PTPRN2: variants seen among roughly 807,000 people sequenced by gnomAD.
PTPRN2 encodes receptor-type tyrosine-protein phosphatase N2.
A neutral mutation model predicts 118.8 loss-of-function variants in PTPRN2; 74 were observed. The observed-to-expected ratio is 0.62, with a 90% CI of 0.52 to 0.76. The LOEUF (loss-of-function observed/expected upper bound fraction) is 0.76, where lower values mean the gene tolerates loss of function less well. Ranked by LOEUF, PTPRN2 falls within the 30% of genes least tolerant of loss-of-function variation. The pLI, the probability that PTPRN2 is intolerant of heterozygous loss-of-function variation, is 0.00. For missense variants in PTPRN2, 1,481 were observed against 1,394.4 expected (o/e 1.06, Z -0.99); for synonymous variants, 641 against 608.0 (o/e 1.05, Z -0.80).
At chr7:158,480,135 G>A (rs1820554393) in intron 2 of PTPRN2, among the ~76,000 whole-genome samples, 1 of 152,206 alleles carries the variant, frequency 6.6e-6, no homozygotes, top group African/African-American at 2.4e-5. Flanking sequence ...ACGTCGCGGG[G>A]GTTGCGTCTC....
At chr7:158,074,572 C>T (rs1312866004) in intron 11 of PTPRN2, among the ~76,000 whole-genome samples, 2 of 152,172 alleles carry the variant, frequency 1.3e-5, no homozygotes, top group Admixed American at 1.3e-4. Flanking sequence ...GGTGAGCTCC[C>T]GTGGCCACCT....
rs916577393 is a variant in PTPRN2 at position 158,509,442 on chromosome 7, C to T, written c.113-19657G>A. 6.6e-6 allele frequency among the ~76,000 whole-genome samples: 1 copy of T among 152,242 alleles called. No individual in the cohort carries two copies. The highest frequency in any genetic ancestry group is 1.5e-5 in the Non-Finnish European group (1 of 68,050). On this transcript the variant is annotated intron_variant, in intron 1 of 22. Coordinates refer to ENST00000389418, the MANE Select transcript of PTPRN2 (RefSeq NM_002847.5). The surrounding 1 kb of genome is among the most constrained non-coding windows in gnomAD (Gnocchi z 4.4). The stretch of plus-strand genomic sequence containing the variant: ...CATGCACCCACCCTGCAGGAAAGAG[C>T]TCAGCATCCTGGCATCAAGTCTGCC...
intron 2 of PTPRN2, among the ~76,000 whole-genome samples, chr7:158,327,335 G>A (rs1803701699): frequency 6.9e-6 from 1 of 144,312 alleles, no homozygotes; most frequent in Admixed American, 6.9e-5. Context: ...GCACACACGT[G>A]CTCACACATG....
intron 12 of PTPRN2, among the ~76,000 whole-genome samples, chr7:157,836,386 G>A (rs1469034244): frequency 6.6e-6 from 1 of 152,144 alleles, no homozygotes; most frequent in Non-Finnish European, 1.5e-5. Context: ...TTCTAGGAGT[G>A]TATCCTAAAG....
chr7:157,678,746 G>A (rs1796785047), intron 13 of PTPRN2, among the ~76,000 whole-genome samples: 1 of 152,184 alleles, frequency 6.6e-6, no homozygotes, highest in Non-Finnish European at 1.5e-5. Flanking sequence ...GAAACCTGCT[G>A]GGTATTGTGA....
intron 11 of PTPRN2, among the ~76,000 whole-genome samples, chr7:157,939,953 C>A (rs547563888): frequency 2.0e-5 from 3 of 152,158 alleles, no homozygotes; most frequent in Non-Finnish European, 4.4e-5. Flanking sequence ...ACTGCACAGG[C>A]GGGGAAGAGC....
chr7:158,569,842 C>G (rs1827898172), intron 1 of PTPRN2, among the ~76,000 whole-genome samples: 1 of 141,068 alleles, frequency 7.1e-6, no homozygotes, highest in Admixed American at 7.0e-5. Context: ...GAACGCGGGG[C>G]GCGAGGCCGC....
intron 2 of PTPRN2, among the ~76,000 whole-genome samples, chr7:158,469,652 G>A (rs974427466): frequency 5.6e-5 from 8 of 143,974 alleles, no homozygotes; most frequent in South Asian, 2.2e-4. Context: ...AAATGAGAAC[G>A]ACAACAGCAA....
chr7:157,681,588 G>A (rs1178548273), intron 13 of PTPRN2, among the ~76,000 whole-genome samples: 1 of 152,194 alleles, frequency 6.6e-6, no homozygotes, highest in African/African-American at 2.4e-5. Flanking sequence ...AAGCTGTCTT[G>A]TGGTCAATCT....
At chr7:158,305,366 T>C (rs1053599941) in intron 3 of PTPRN2, among the ~76,000 whole-genome samples, 7 of 151,470 alleles carry the variant, frequency 4.6e-5, no homozygotes, top group Admixed American at 2.0e-4. Flanking sequence ...AGACAAAACA[T>C]AGAGCTAAAG....
chr7:158,016,012 G>T (rs530171516), intron 11 of PTPRN2, among the ~76,000 whole-genome samples: 22 of 152,264 alleles, frequency 1.4e-4, no homozygotes, highest in African/African-American at 5.3e-4. Flanking sequence ...TGGGGGCCTC[G>T]GTGGAAAACA....
chr7:158,149,963 G>A (rs1047345869), intron 6 of PTPRN2, among the ~76,000 whole-genome samples: 3 of 152,128 alleles, frequency 2.0e-5, no homozygotes, highest in Non-Finnish European at 2.9e-5. Context: ...AAAATAGAAA[G>A]TAAGCAACAC....
chr7:158,350,317 C>G lies in PTPRN2; in HGVS notation c.164-33385G>C, dbSNP rs190846184. 2.5e-4 allele frequency among the ~76,000 whole-genome samples: 38 copies of G among 152,310 alleles called. No homozygotes were observed. In the East Asian group the frequency reaches 5.2e-3, roughly 21 times the overall value. On this transcript the variant is annotated intron_variant, in intron 2 of 22. Transcript: ENST00000389418. Reference sequence around the variant, plus strand: ...CTGAAACAGGCGGCTCTTTCCCAAGCAGGGGCAGGACTGGCTGGTTGCCGT... The same window carrying G: ...CTGAAACAGGCGGCTCTTTCCCAAGGAGGGGCAGGACTGGCTGGTTGCCGT...
intron 2 of PTPRN2, among the ~76,000 whole-genome samples, chr7:158,368,161 A>C (rs1809675763): frequency 6.6e-6 from 1 of 152,178 alleles, no homozygotes; most frequent in African/African-American, 2.4e-5. Context: ...CATAACTTCA[A>C]CAGGGCAAAC....
chr7:157,582,285 GTATT>G (rs1308185995), intron 17 of PTPRN2, among the ~76,000 whole-genome samples: 2 of 152,162 alleles, frequency 1.3e-5, no homozygotes, highest in African/African-American at 4.8e-5. Flanking sequence ...TGAGTGCTAA[GTATT>G]TAATTAGCAA....
At chr7:158,466,808 A>T (rs1464831085) in intron 2 of PTPRN2, among the ~76,000 whole-genome samples, 3 of 152,210 alleles carry the variant, frequency 2.0e-5, no homozygotes, top group African/African-American at 7.2e-5. Context: ...TGGGAGGCTG[A>T]GGCGGGTGGA....
chr7:157,771,812 GACACAGACACAGAAAC>G (rs1563090986), intron 12 of PTPRN2, among the ~76,000 whole-genome samples: 1 of 137,836 alleles, frequency 7.3e-6, no homozygotes, highest in Non-Finnish European at 1.5e-5. Flanking sequence ...CAAACACACA[GACACAGACACAGAAAC>G]ACACAGACAC....
At chr7:158,146,924 C>A (rs536366037) in intron 6 of PTPRN2, among the ~76,000 whole-genome samples, 3 of 151,420 alleles carry the variant, frequency 2.0e-5, no homozygotes, top group Non-Finnish European at 2.9e-5. Flanking sequence ...GAATGACACC[C>A]CATCTCACGC....
chr7:158,272,345 G>T (rs747595810), intron 3 of PTPRN2, among the ~76,000 whole-genome samples: 2 of 152,230 alleles, frequency 1.3e-5, no homozygotes, highest in Admixed American at 6.5e-5. Context: ...AACGGTCAAG[G>T]ATGAGAATTG....
Sources: allele counts gnomAD v4.1 joint callset (sites outside exome capture counted in the v4.1 genomes callset), GRCh38; gene constraint gnomAD v4.1.1; non-coding constraint Gnocchi (gnomAD v3.1); transcripts MANE v1.5; gene names NCBI Gene and HGNC (gene_info 2026-07-23, HGNC 2026-07-21).